The following KCNAB1 variants were observed in gnomAD, a reference collection of about 807,000 sequenced individuals.
KCNAB1 encodes potassium voltage-gated channel subfamily A regulatory beta subunit 1.
KCNAB1 carries 35 observed loss-of-function variants against 64.6 expected under a neutral mutation model. The ratio of observed to expected loss-of-function variants is 0.54; its 90% CI spans 0.41 to 0.72. The LOEUF (loss-of-function observed/expected upper bound fraction) is 0.72. Ranked by LOEUF, KCNAB1 falls within the 30% of genes least tolerant of loss-of-function variation. KCNAB1 has a pLI of 0.00. For synonymous variants in KCNAB1, 177 were observed against 183.8 expected, an observed-to-expected ratio of 0.96 and a Z score of 0.30; for missense variants, 401 against 512.9, an observed-to-expected ratio of 0.78 and a Z score of 2.11.
intron 1 of KCNAB1, among the ~76,000 whole-genome samples, chr3:156,305,868 A>C (rs934762346): frequency 6.6e-6 from 1 of 152,178 alleles, no homozygotes; most frequent in Non-Finnish European, 1.5e-5. Context: ...GAGAAAGTGG[A>C]GCTGTGTGTG....
rs1405956867 is a variant in KCNAB1, at chr3:156,354,138, A to ATG, written c.276-67477_276-67476insGT. 1.6e-3 allele frequency among the ~76,000 whole-genome samples: 225 copies of ATG among 143,994 alleles called. 1 individual carries two copies. Among genetic ancestry groups the ATG allele is most frequent in the African/African-American group, 5.6e-3 (215 of 38,288 alleles). 94.5% of individuals were successfully genotyped at this position (143,994 alleles called of 152,430 possible). On this transcript the variant is annotated intron_variant, in intron 1 of 13. Coordinates refer to ENST00000490337, the MANE Select transcript of KCNAB1 (RefSeq NM_172160.3). Reference sequence around the variant, plus strand: ...TGTGTGTGTATATATATATATATATATATATGTGTATATATATATATGTAT... The same window carrying ATG: ...TGTGTGTGTATATATATATATATATATGTATATGTGTATATATATATATGTAT...
At chr3:156,318,416 C>A (rs1722437341) in intron 1 of KCNAB1, among the ~76,000 whole-genome samples, 1 of 152,230 alleles carries the variant, frequency 6.6e-6, no homozygotes, top group East Asian at 1.9e-4. Context: ...AGACCACATG[C>A]CCTATCCACA....
chr3:156,369,942 C>T (rs1726190473), intron 1 of KCNAB1, among the ~76,000 whole-genome samples: 1 of 152,030 alleles, frequency 6.6e-6, no homozygotes, highest in Admixed American at 6.6e-5. Context: ...TTTTTAAAAG[C>T]CAAAGATACA....
At chr3:156,377,076 T>A (rs139479075) in intron 1 of KCNAB1, among the ~76,000 whole-genome samples, 2,022 of 152,324 alleles carry the variant, frequency 0.013, 17 homozygotes, top group South Asian at 0.031. Flanking sequence ...TGGAAAATTC[T>A]AAGGATGTAT....
intron 1 of KCNAB1, among the ~76,000 whole-genome samples, chr3:156,335,500 C>T (rs551683278): frequency 1.8e-4 from 27 of 152,332 alleles, no homozygotes; most frequent in African/African-American, 6.5e-4. Context: ...CCATTGAGGA[C>T]TATAGCTCTA....
At chr3:156,265,849 G>A (rs1276846123) in intron 1 of KCNAB1, among the ~76,000 whole-genome samples, 1 of 152,064 alleles carries the variant, frequency 6.6e-6, no homozygotes, top group African/African-American at 2.4e-5. Context: ...AAAATTAGCT[G>A]GGTGTGGTAG....
At chr3:156,312,419 G>A (rs1560189467) in intron 1 of KCNAB1, among the ~76,000 whole-genome samples, 1 of 152,160 alleles carries the variant, frequency 6.6e-6, no homozygotes, top group Non-Finnish European at 1.5e-5. Context: ...AAATATGTAA[G>A]TATGAATGCC....
intron 1 of KCNAB1, among the ~76,000 whole-genome samples, chr3:156,354,008 C>G (rs1030225112): frequency 6.6e-6 from 1 of 150,808 alleles, no homozygotes; most frequent in Non-Finnish European, 1.5e-5. Flanking sequence ...AAAGGCCCCC[C>G]ACAGTAGAGG....
intron 8 of KCNAB1, among the ~76,000 whole-genome samples, chr3:156,488,195 C>G (rs2108346138): frequency 6.6e-6 from 1 of 151,928 alleles, no homozygotes; most frequent in South Asian, 2.1e-4. Flanking sequence ...GACAAAGATC[C>G]CAGCCCCTGT....
chr3:156,154,144 A>AT (rs1241547620), intron 1 of KCNAB1, among the ~76,000 whole-genome samples: 5 of 152,190 alleles, frequency 3.3e-5, no homozygotes, highest in African/African-American at 1.2e-4. Flanking sequence ...CTCAGTGTGA[A>AT]TTCCTGTTTC....
chr3:156,401,365 T>A (rs142013392), intron 1 of KCNAB1, among the ~76,000 whole-genome samples: 2 of 152,388 alleles, frequency 1.3e-5, no homozygotes, highest in East Asian at 3.9e-4. Flanking sequence ...TCCTCTATGA[T>A]TGAACCAGTC....
chr3:156,272,144 G>A (rs1242457399), intron 1 of KCNAB1, among the ~76,000 whole-genome samples: 2 of 152,336 alleles, frequency 1.3e-5, no homozygotes, highest in East Asian at 1.9e-4. Context: ...GATTGTACTC[G>A]GTCTGACTTG....
intron 8 of KCNAB1, among the ~76,000 whole-genome samples, chr3:156,476,541 A>G (rs1433662307): frequency 1.3e-5 from 2 of 148,586 alleles, no homozygotes; most frequent in Admixed American, 6.8e-5. Flanking sequence ...ACACACACAC[A>G]CACACGCACA....
rs1466168559 is a variant in KCNAB1 at position 156,175,470 on chromosome 3, A to G, written c.275+54584A>G. Reference sequence around the variant, plus strand: ...CCTGTCTCTACTGAAAATACAAAAAATTAGCCGAGTGTGCTGGCAGGTGCC... The same window carrying G: ...CCTGTCTCTACTGAAAATACAAAAAGTTAGCCGAGTGTGCTGGCAGGTGCC... On this transcript the variant is annotated intron_variant, in intron 1 of 13. Coordinates refer to ENST00000490337, the MANE Select transcript of KCNAB1 (RefSeq NM_172160.3). 4.6e-5 allele frequency among the ~76,000 whole-genome samples: 7 copies of G among 152,274 alleles called. No homozygotes were observed. The South Asian group carries it at 6.2e-4, about 14-fold the overall frequency.
chr3:156,421,443 C>G (rs1180758043), intron 1 of KCNAB1, among the ~76,000 whole-genome samples, 173 bp from the exon 2 acceptor site: 1 of 152,194 alleles, frequency 6.6e-6, no homozygotes, highest in Non-Finnish European at 1.5e-5. Context: ...CTTCCTGATG[C>G]CTGAGTGGCC....
In KCNAB1 at chr3:156,331,858, CCAAA is replaced by C. The variant is rs539569611; in HGVS notation, c.276-89755_276-89752del. 3.1e-3 allele frequency among the ~76,000 whole-genome samples: 475 copies of C among 152,216 alleles called. 5 individuals carry two copies. The highest frequency in any genetic ancestry group is 0.011 in the African/African-American group (451 of 41,530). ...GTTTAGCGGCAGGGGGTCAAATTTT[CCAAA>C]CAGTCTTGTGTTCTGAAACCTACCA... On this transcript the variant is annotated intron_variant, in intron 1 of 13. Transcript: ENST00000490337.
Position 156,312,729 on chromosome 3 carries a change from A to AAAAAAAAAAAAC in KCNAB1, c.276-108885_276-108884insAAAAAAAAACAA, listed in dbSNP as rs1560189800. Among the ~76,000 whole-genome samples the AAAAAAAAAAAAC allele has an allele frequency of 5.0e-4, 75 of 150,202 alleles. 1 individual carries two copies. The highest frequency in any genetic ancestry group is 7.6e-4 in the Non-Finnish European group (51 of 67,346). On this transcript the variant is annotated intron_variant, in intron 1 of 13. Transcript: ENST00000490337. The stretch of plus-strand genomic sequence containing the variant: ...AAAAAAAAAAAAAAAAAAAAAAAAA[A>AAAAAAAAAAAAC]AACTCATAATAATGAAATTAGTTCT...
At chr3:156,417,712 C>T (rs1715170667) in intron 1 of KCNAB1, among the ~76,000 whole-genome samples, 1 of 147,858 alleles carries the variant, frequency 6.8e-6, no homozygotes. Context: ...CCAGTATTGC[C>T]TTAAAAGAAA....
intron 1 of KCNAB1, among the ~76,000 whole-genome samples, chr3:156,383,950 T>C (rs2108153596): frequency 6.6e-6 from 1 of 152,290 alleles, no homozygotes; most frequent in East Asian, 1.9e-4. Context: ...GCTTTGAGTT[T>C]TTCTGTTCTG....
Sources: allele counts gnomAD v4.1 joint callset (sites outside exome capture counted in the v4.1 genomes callset), GRCh38; gene constraint gnomAD v4.1.1; transcripts MANE v1.5; gene names NCBI Gene and HGNC (gene_info 2026-07-23, HGNC 2026-07-21).